Variants in KAZN observed in about 807,000 individuals in gnomAD.
The protein encoded by KAZN is kazrin.
In KAZN, 40 loss-of-function variants were observed where a neutral mutation model predicts 87.4. The ratio of observed to expected loss-of-function variants is 0.46; its 90% confidence interval spans 0.36 to 0.60. The LOEUF is 0.60. Ranked by LOEUF, KAZN falls within the 20% of genes least tolerant of loss-of-function variation. The probability of loss-of-function intolerance (pLI) is 0.00; values close to 1 mark genes in which losing one functional copy is unlikely to be tolerated. For synonymous variants in KAZN, 466 were observed against 458.3 expected (o/e 1.02, Z -0.22); for missense variants, 898 against 1,073.9 (o/e 0.84, Z 2.29).
intron 1 of KAZN, among the ~76,000 whole-genome samples, chr1:14,845,530 A>G (rs1028683819): frequency 2.1e-4 from 25 of 119,044 alleles, no homozygotes; most frequent in Admixed American, 1.7e-3. Context: ...TGAATGGGTA[A>G]GTAGGTGGAT....
At chr1:14,219,188 T>C (rs979216723) in intron 2 of KAZN, among the ~76,000 whole-genome samples, 3 of 152,006 alleles carry the variant, frequency 2.0e-5, no homozygotes, top group Non-Finnish European at 4.4e-5. Context: ...AAATGAAATA[T>C]AGGGATGTAT....
chr1:14,758,908 G>A (rs199935765), intron 1 of KAZN, among the ~76,000 whole-genome samples: 17 of 147,584 alleles, frequency 1.2e-4, no homozygotes, highest in Non-Finnish European at 9.0e-5. Flanking sequence ...TTTGAATCCA[G>A]AAAAAAAAAA....
chr1:14,797,440 G>A (rs1177822105), intron 1 of KAZN, among the ~76,000 whole-genome samples: 1 of 152,198 alleles, frequency 6.6e-6, no homozygotes, highest in Non-Finnish European at 1.5e-5. Context: ...CCTGGAAGCC[G>A]TTCCAGGAGA....
intron 1 of KAZN, among the ~76,000 whole-genome samples, chr1:13,948,744 A>G (rs1289845834): frequency 6.6e-6 from 1 of 151,946 alleles, no homozygotes; most frequent in Non-Finnish European, 1.5e-5. Flanking sequence ...TCAGTCCACC[A>G]TCTCCTGGTT....
At chr1:14,871,457 A>G (rs1652119441) in intron 1 of KAZN, among the ~76,000 whole-genome samples, 1 of 152,118 alleles carries the variant, frequency 6.6e-6, no homozygotes, top group South Asian at 2.1e-4. Context: ...GGAAAAGTGT[A>G]CAAGTCGCTC....
intron 2 of KAZN, among the ~76,000 whole-genome samples, chr1:14,181,915 C>T (rs1557542954): frequency 6.6e-6 from 1 of 152,272 alleles, no homozygotes; most frequent in East Asian, 1.9e-4. Flanking sequence ...TGTGTGTAAA[C>T]TCCAGTTTGC....
chr1:14,873,138 G>A (rs577612516), intron 1 of KAZN, among the ~76,000 whole-genome samples: 1 of 95,076 alleles, frequency 1.1e-5, no homozygotes, highest in South Asian at 4.1e-4. Flanking sequence ...ATGGATGGAT[G>A]GATGGAAGGA....
intron 1 of KAZN, among the ~76,000 whole-genome samples, chr1:14,141,452 C>T (rs1034957470): frequency 5.3e-5 from 8 of 151,174 alleles, no homozygotes; most frequent in Non-Finnish European, 8.8e-5. Context: ...ACTCATCCTT[C>T]GCTGATGGAA....
Position 14,328,578 on chromosome 1 carries a change from C to T in KAZN, c.249+147986C>T, listed in dbSNP as rs914081058. 2.0e-5 allele frequency among the ~76,000 whole-genome samples: 3 copies of T among 151,854 alleles called. No individual in the cohort carries two copies. In the East Asian group the frequency reaches 5.8e-4, roughly 29 times the overall value. ...ATTAGCTGGGCGTGGTGGTGAGCGC[C>T]CGTAGTCCCAGCTACTCGGGAGGCT... On this transcript the variant is annotated intron_variant, in intron 2 of 16. Coordinates refer to the KAZN transcript ENST00000636203.
intron 5 of KAZN, among the ~76,000 whole-genome samples, chr1:15,059,338 C>T (rs1211046331): frequency 2.0e-5 from 3 of 152,166 alleles, no homozygotes; most frequent in Non-Finnish European, 4.4e-5. Context: ...ATGACAGTGC[C>T]CCTGATGGGC....
At chr1:14,141,682 G>A (rs1038534147) in intron 1 of KAZN, among the ~76,000 whole-genome samples, 18 of 152,042 alleles carry the variant, frequency 1.2e-4, no homozygotes, top group African/African-American at 3.9e-4. Flanking sequence ...CTGCCTGGAC[G>A]ATAAGTAGTT....
chr1:14,419,295 A>G (rs1317681498), intron 2 of KAZN, among the ~76,000 whole-genome samples: 1 of 151,852 alleles, frequency 6.6e-6, no homozygotes, highest in Non-Finnish European at 1.5e-5. Flanking sequence ...AAAGCGCAAA[A>G]GAAAGAAAGG....
At chr1:14,307,221 T>C (rs1654992844) in intron 2 of KAZN, among the ~76,000 whole-genome samples, 2 of 152,182 alleles carry the variant, frequency 1.3e-5, no homozygotes, top group Admixed American at 6.6e-5. Flanking sequence ...CCTCTGCACC[T>C]GTCTAAGATA....
chr1:14,092,343 G>A (rs1037849524), intron 1 of KAZN, among the ~76,000 whole-genome samples: 7 of 150,548 alleles, frequency 4.6e-5, no homozygotes, highest in African/African-American at 7.3e-5. Flanking sequence ...TGTCCGCCTC[G>A]GCCTCCCAAA....
intron 1 of KAZN, among the ~76,000 whole-genome samples, chr1:14,038,133 C>T (rs1641640393): frequency 6.6e-6 from 1 of 152,118 alleles, no homozygotes; most frequent in South Asian, 2.1e-4. Context: ...GTTTTAGGCA[C>T]CTAGGACCCT....
chr1:14,620,519 G>C (rs1678610041), intron 1 of KAZN, among the ~76,000 whole-genome samples: 1 of 152,198 alleles, frequency 6.6e-6, no homozygotes, highest in East Asian at 1.9e-4. Context: ...CAGGTCATTA[G>C]GGAGCCCTGT....
chr1:14,897,321 T>C (rs951975704), intron 1 of KAZN, among the ~76,000 whole-genome samples: 3 of 152,156 alleles, frequency 2.0e-5, no homozygotes, highest in Admixed American at 2.0e-4. Flanking sequence ...GAATGACACA[T>C]GCTGATTGGC....
At chr1:15,098,509 C>G (rs1446857406) in intron 10 of KAZN, among the ~76,000 whole-genome samples, 1 of 152,250 alleles carries the variant, frequency 6.6e-6, no homozygotes, top group Non-Finnish European at 1.5e-5. Flanking sequence ...CACCCCAACT[C>G]TTGTTGCACC....
At chr1:14,594,999 G>A (rs1305377887), upstream of KAZN, among the ~76,000 whole-genome samples, 4 of 152,026 alleles carry the variant, frequency 2.6e-5, no homozygotes, top group East Asian at 7.7e-4. Context: ...ACAAAAATTA[G>A]CCAGGGGTGG....
Sources: gnomAD v4.1 joint callset for allele counts (sites outside exome capture counted in the v4.1 genomes callset) on GRCh38, gnomAD v4.1.1 for gene constraint, MANE v1.5 for transcripts, NCBI Gene and HGNC (gene_info 2026-07-23, HGNC 2026-07-21) for gene names.